Variants in MALRD1 observed in about 807,000 individuals in gnomAD.
MALRD1 encodes the protein MAM and LDL receptor class A domain containing 1.
Under a neutral mutation model 242.1 loss-of-function variants are expected in MALRD1, and 247 were observed. That is an observed-to-expected ratio of 1.02 (90% confidence interval 0.92 to 1.13). MALRD1 has a LOEUF of 1.13. Ranked by LOEUF, MALRD1 falls within the 50% of genes most tolerant of loss-of-function variation. The probability of loss-of-function intolerance (pLI) is 0.00; values close to 1 mark genes in which losing one functional copy is unlikely to be tolerated. For missense variants in MALRD1, 2,989 were observed against 2,533.1 expected (o/e 1.18, Z -3.86); for synonymous variants, 995 against 866.6 (o/e 1.15, Z -2.60).
intron 33 of MALRD1, among the ~76,000 whole-genome samples, chr10:19,593,318 A>G (rs1369671269): frequency 2.0e-5 from 3 of 152,206 alleles, no homozygotes; most frequent in Non-Finnish European, 4.4e-5. Flanking sequence ...GCACAGCCAC[A>G]TATATCTCAG....
At chr10:19,261,535 A>G (rs2131819669) in intron 19 of MALRD1, among the ~76,000 whole-genome samples, 1 of 150,668 alleles carries the variant, frequency 6.6e-6, no homozygotes, top group Non-Finnish European at 1.5e-5. Context: ...TCATGCTTGT[A>G]ACTTCACTAA....
At chr10:19,596,898 A>G (rs1190748072) in intron 34 of MALRD1, among the ~76,000 whole-genome samples, 1 of 151,652 alleles carries the variant, frequency 6.6e-6, no homozygotes, top group Non-Finnish European at 1.5e-5. Context: ...GGAAGGAAAG[A>G]TGGAAAGATG....
At chr10:19,194,255 C>T (rs1042453195) in intron 14 of MALRD1, among the ~76,000 whole-genome samples, 9 of 151,950 alleles carry the variant, frequency 5.9e-5, no homozygotes, top group African/African-American at 1.2e-4. Flanking sequence ...AGAAAATAAA[C>T]GTAGGTTATT....
At chr10:19,053,893 ATTGTT>A (rs1369978381) in intron 1 of MALRD1, among the ~76,000 whole-genome samples, 15 of 152,062 alleles carry the variant, frequency 9.9e-5, no homozygotes, top group Admixed American at 8.5e-4. Flanking sequence ...TTTACTCAGT[ATTGTT>A]TTAAGAAATC....
chr10:19,719,782 G>A (rs549680021), intron 38 of MALRD1, among the ~76,000 whole-genome samples: 1 of 151,760 alleles, frequency 6.6e-6, no homozygotes, highest in African/African-American at 2.4e-5. Context: ...TCTCGTTAAT[G>A]TATCCTTGCT....
intron 12 of MALRD1, among the ~76,000 whole-genome samples, chr10:19,157,284 T>C (rs1016193909): frequency 1.3e-5 from 2 of 151,018 alleles, no homozygotes; most frequent in Non-Finnish European, 3.0e-5. Context: ...TTTTTTTTTT[T>C]TTTCCTGAGA....
chr10:19,071,419 AGTTTTT>A (rs1395229878), intron 2 of MALRD1, among the ~76,000 whole-genome samples: 5 of 151,414 alleles, frequency 3.3e-5, no homozygotes, highest in Non-Finnish European at 2.9e-5. Flanking sequence ...CTTCTCTCAG[AGTTTTT>A]GCCTTGCACT....
intron 14 of MALRD1, among the ~76,000 whole-genome samples, chr10:19,182,281 A>G (rs1320067852): frequency 6.7e-6 from 1 of 150,256 alleles, no homozygotes; most frequent in African/African-American, 2.4e-5. Context: ...GTTTCTTATC[A>G]GTTAGAATTC....
chr10:19,100,462 T>C (rs1044359935), intron 4 of MALRD1, among the ~76,000 whole-genome samples: 8 of 151,878 alleles, frequency 5.3e-5, no homozygotes, highest in African/African-American at 1.9e-4. Flanking sequence ...GGTGAGGAGA[T>C]GGGAGAGGAA....
intron 2 of MALRD1, among the ~76,000 whole-genome samples, chr10:19,085,625 C>T (rs917921592): frequency 6.6e-6 from 1 of 151,752 alleles, no homozygotes; most frequent in African/African-American, 2.4e-5. Context: ...ATTTATAGTG[C>T]CATAACACAT....
chr10:19,258,912 G>T (rs1839632047), intron 19 of MALRD1, among the ~76,000 whole-genome samples: 1 of 152,050 alleles, frequency 6.6e-6, no homozygotes, highest in Non-Finnish European at 1.5e-5. Context: ...TTTCTATCTA[G>T]CTGCTTATTC....
chr10:19,263,181 TG>T (rs1279805731), intron 19 of MALRD1, among the ~76,000 whole-genome samples: 3 of 152,214 alleles, frequency 2.0e-5, no homozygotes, highest in African/African-American at 4.8e-5. Context: ...CTGGATCATG[TG>T]GATAGTTACA....
chr10:19,378,908 T>C (rs1845718466), intron 26 of MALRD1, among the ~76,000 whole-genome samples: 1 of 152,106 alleles, frequency 6.6e-6, no homozygotes, highest in African/African-American at 2.4e-5. Flanking sequence ...ACATGTGTTG[T>C]AGAATTCATC....
chr10:19,385,957 A>C (rs1424251016), intron 26 of MALRD1, among the ~76,000 whole-genome samples: 2 of 152,090 alleles, frequency 1.3e-5, no homozygotes, highest in African/African-American at 4.8e-5. Context: ...TAACCAAAAA[A>C]ATTTTGTCAT....
chr10:19,195,049 T>A (rs1362590140), intron 14 of MALRD1, among the ~76,000 whole-genome samples: 3 of 149,848 alleles, frequency 2.0e-5, no homozygotes, highest in African/African-American at 7.3e-5. Flanking sequence ...CTGCCCAGGA[T>A]GTGGAATCAT....
intron 29 of MALRD1, among the ~76,000 whole-genome samples, chr10:19,461,349 GC>G (rs1835932932): frequency 6.6e-6 from 1 of 152,092 alleles, no homozygotes; most frequent in South Asian, 2.1e-4. Flanking sequence ...AACCAAGTGT[GC>G]TTGGAGTTTT....
chr10:19,325,006 C>CTTT lies in MALRD1; in HGVS notation c.3576+919_3576+921dup, dbSNP rs34290618. Reference sequence around the variant, plus strand: ...CACAAATTTTTGCCTTCAGTAGTTGCTTTTTTTTTTTTTTTTTTTTGCTTG... The same window carrying CTTT: ...CACAAATTTTTGCCTTCAGTAGTTGCTTTTTTTTTTTTTTTTTTTTTTTGCTTG... On this transcript the variant is annotated intron_variant, in intron 22 of 39. Transcript: ENST00000454679. Among the ~76,000 whole-genome samples the CTTT allele has an allele frequency of 6.4e-4, 50 of 77,954 alleles. 1 individual carries two copies. Among genetic ancestry groups the CTTT allele is most frequent in the Non-Finnish European group, 6.9e-4 (30 of 43,302 alleles). 51.1% of individuals were successfully genotyped at this position (77,954 alleles called of 152,430 possible).
chr10:19,488,993 G>A (rs1308361923), intron 29 of MALRD1: 1 of 454,394 alleles, frequency 2.2e-6, no homozygotes, highest in African/African-American at 2.0e-5. Flanking sequence ...TCCCAATCCG[G>A]TTCTATCCGG....
chr10:19,271,060 A>G (rs928449376), intron 19 of MALRD1, among the ~76,000 whole-genome samples: 1 of 152,196 alleles, frequency 6.6e-6, no homozygotes. Flanking sequence ...AATTACTTTG[A>G]AAACTGGTTT....
Sources: gnomAD v4.1 joint callset for allele counts (sites outside exome capture counted in the v4.1 genomes callset) on GRCh38, gnomAD v4.1.1 for gene constraint, MANE v1.5 for transcripts, NCBI Gene and HGNC (gene_info 2026-07-23, HGNC 2026-07-21) for gene names.